The following SAMD13 variants were observed in gnomAD, a reference collection of about 807,000 sequenced individuals.
SAMD13 encodes sterile alpha motif domain-containing protein 13.
In SAMD13, 9 loss-of-function variants were observed where a neutral mutation model predicts 12.4. The observed-to-expected ratio is 0.72, with a 90% CI of 0.44 to 1.26. The LOEUF is 1.26. Ranked by LOEUF, SAMD13 falls within the 50% of genes most tolerant of loss-of-function variation. The pLI is 0.00. For missense variants in SAMD13, 84 were observed against 119.6 expected, an observed-to-expected ratio of 0.70 and a Z score of 1.39; for synonymous variants, 46 against 45.4, an observed-to-expected ratio of 1.01 and a Z score of -0.05.
chr1:84,335,806 C>T (rs1679277487), intron 3 of SAMD13, among the ~76,000 whole-genome samples: 1 of 152,148 alleles, frequency 6.6e-6, no homozygotes. Context: ...ACTTAGGAAA[C>T]TTAGTTTGGC....
At chr1:84,338,366 A>G (rs918985135) in intron 3 of SAMD13, among the ~76,000 whole-genome samples, 5 of 151,828 alleles carry the variant, frequency 3.3e-5, no homozygotes, top group Admixed American at 3.3e-4. Context: ...AGGAGGAGCA[A>G]GTCACATCTT....
At chr1:84,321,070 A>C (rs1678932521) in intron 2 of SAMD13, among the ~76,000 whole-genome samples, 1 of 152,164 alleles carries the variant, frequency 6.6e-6, no homozygotes, top group Non-Finnish European at 1.5e-5. Flanking sequence ...GCCAACATGA[A>C]AACCTCATCA....
chr1:84,325,533 A>T lies in SAMD13; in HGVS notation c.54-104A>T, dbSNP rs1007702612. On this transcript the variant is annotated intron_variant, in intron 2 of 3. Coordinates refer to ENST00000394834, the MANE Select transcript of SAMD13 (RefSeq NM_001134663.2). ...GCCAGTGAGAGTAATCATCATCTGA[A>T]CCCAAAAAACATGAAAGGCCTGTCC... The T allele has an allele frequency of 1.6e-5, 11 of 697,578 alleles. No homozygotes were observed. The African/African-American group carries it at 1.8e-4, about 11-fold the overall frequency. 43.2% of individuals were successfully genotyped at this position (697,578 alleles called of 1,614,324 possible).
chr1:84,332,403 T>G (rs768139690), intron 3 of SAMD13, among the ~76,000 whole-genome samples: 7 of 152,206 alleles, frequency 4.6e-5, no homozygotes, highest in Non-Finnish European at 5.9e-5. Flanking sequence ...GCATCTGTTT[T>G]TATTATTTTT....
chr1:84,323,107 T>C (rs17131592), intron 2 of SAMD13, among the ~76,000 whole-genome samples: 6,370 of 152,230 alleles, frequency 0.042, 164 homozygotes, highest in South Asian at 0.071. Flanking sequence ...TCGATGGGAC[T>C]CTGTGTTCAC....
At chr1:84,303,658 A>C (rs533415672) in intron 2 of SAMD13, 1 of 174,198 alleles carries the variant, frequency 5.7e-6, no homozygotes, top group South Asian at 1.4e-4. Context: ...TTGAAATACA[A>C]TCACCTCTAA....
intron 3 of SAMD13, among the ~76,000 whole-genome samples, chr1:84,343,145 C>T (rs1188662826): frequency 2.6e-5 from 4 of 152,086 alleles, no homozygotes; most frequent in Admixed American, 6.5e-5. Context: ...AAATCAAAAC[C>T]ACAATGAGAT....
intron 3 of SAMD13, 36 bp downstream of exon 3, chr1:84,325,784 G>A (rs374571718): frequency 3.1e-6 from 4 of 1,296,122 alleles, no homozygotes; most frequent in Non-Finnish European, 4.5e-6. Context: ...ATGAACATGT[G>A]ATGAACCCAC....
At chr1:84,303,148 A>T in intron 1 of SAMD13, 55 bp from the exon 2 acceptor site, 2 of 1,315,502 alleles carry the variant, frequency 1.5e-6, no homozygotes, top group Non-Finnish European at 2.2e-6. Flanking sequence ...CAGAATATAT[A>T]TTCTTCTCTC....
At chr1:84,322,766 G>A (rs547202476) in intron 2 of SAMD13, among the ~76,000 whole-genome samples, 3 of 152,064 alleles carry the variant, frequency 2.0e-5, no homozygotes, top group South Asian at 2.1e-4. Context: ...AGAGTGCCCC[G>A]TTCCACGTTG....
At chr1:84,327,250 G>A (rs1211380948) in intron 3 of SAMD13, among the ~76,000 whole-genome samples, 1 of 152,176 alleles carries the variant, frequency 6.6e-6, no homozygotes, top group Non-Finnish European at 1.5e-5. Context: ...ATACTCCACA[G>A]TAATAAAAAG....
At chr1:84,313,863 G>T (rs1483669052) in intron 2 of SAMD13, among the ~76,000 whole-genome samples, 1 of 152,110 alleles carries the variant, frequency 6.6e-6, no homozygotes, top group East Asian at 1.9e-4. Context: ...TTCATAATTA[G>T]TAATGTGATG....
chr1:84,336,553 G>C (rs1338383296), intron 3 of SAMD13, among the ~76,000 whole-genome samples: 5 of 152,094 alleles, frequency 3.3e-5, no homozygotes, highest in Non-Finnish European at 4.4e-5. Context: ...ATCATGAGAA[G>C]AGCATGATAA....
chr1:84,320,622 TTG>T (rs891143144), intron 2 of SAMD13, among the ~76,000 whole-genome samples: 2 of 152,206 alleles, frequency 1.3e-5, no homozygotes, highest in African/African-American at 2.4e-5. Flanking sequence ...CAGAATTAAA[TTG>T]CTTTTAGCCA....
chr1:84,307,714 C>T (rs764790948), intron 2 of SAMD13, among the ~76,000 whole-genome samples: 4 of 152,048 alleles, frequency 2.6e-5, no homozygotes, highest in Non-Finnish European at 5.9e-5. Context: ...CCTTTTAAGT[C>T]TTGCCTTTAA....
chr1:84,304,477 TTAATTG>T (rs1382413718), intron 2 of SAMD13, among the ~76,000 whole-genome samples: 2 of 152,212 alleles, frequency 1.3e-5, no homozygotes, highest in Non-Finnish European at 2.9e-5. Flanking sequence ...TTAATTTTAC[TTAATTG>T]TAATTAGTTT....
At chr1:84,302,879 A>C (rs1257402420) in intron 1 of SAMD13, among the ~76,000 whole-genome samples, 1 of 152,146 alleles carries the variant, frequency 6.6e-6, no homozygotes, top group Non-Finnish European at 1.5e-5. Context: ...TATGAGTTGC[A>C]GTGTCTTAAG....
chr1:84,308,794 T>TA (rs1027576500), intron 2 of SAMD13, among the ~76,000 whole-genome samples: 147 of 151,976 alleles, frequency 9.7e-4, no homozygotes, highest in African/African-American at 3.4e-3. Context: ...ATTTTTTAAT[T>TA]AAAAAAAAGC....
At chr1:84,338,452 T>TTTTTC (rs1365408385) in intron 3 of SAMD13, among the ~76,000 whole-genome samples, 6 of 146,496 alleles carry the variant, frequency 4.1e-5, no homozygotes, top group African/African-American at 1.6e-4. Context: ...TTTTTTTTTT[T>TTTTTC]TTTAAGATGG....
Sources: allele counts gnomAD v4.1 joint callset (sites outside exome capture counted in the v4.1 genomes callset), GRCh38; gene constraint gnomAD v4.1.1; transcripts MANE v1.5; gene names NCBI Gene and HGNC (gene_info 2026-07-23, HGNC 2026-07-21).